HECW1: variants seen among roughly 807,000 people sequenced by gnomAD.
HECW1 encodes the protein HECT, C2 and WW domain containing E3 ubiquitin protein ligase 1.
Under a neutral mutation model 182.3 loss-of-function variants are expected in HECW1, and 61 were observed. The observed-to-expected ratio is 0.33, with a 90% CI of 0.27 to 0.41. The LOEUF is 0.41. HECW1 is among the 10% of genes least tolerant of loss of function. The pLI is 1.00. For missense variants in HECW1, 1,739 were observed against 2,108.9 expected (o/e 0.82, Z 3.44); for synonymous variants, 859 against 832.6 (o/e 1.03, Z -0.55).
intron 6 of HECW1, among the ~76,000 whole-genome samples, chr7:43,361,349 T>C (rs776754161): frequency 3.3e-5 from 5 of 152,236 alleles, no homozygotes; most frequent in Non-Finnish European, 7.3e-5. Context: ...AATATTTATA[T>C]TTTCTTATGT....
intron 6 of HECW1, among the ~76,000 whole-genome samples, chr7:43,390,791 G>A (rs577264594): frequency 6.6e-5 from 10 of 152,244 alleles, no homozygotes; most frequent in African/African-American, 1.7e-4. Context: ...CGTTACAACT[G>A]TCCCAGCACT....
intron 3 of HECW1, among the ~76,000 whole-genome samples, chr7:43,300,474 A>G (rs1237468457): frequency 6.6e-6 from 1 of 152,204 alleles, no homozygotes; most frequent in Non-Finnish European, 1.5e-5. Context: ...GAAGAGGGAT[A>G]GAAGAGGGTG....
intron 2 of HECW1, among the ~76,000 whole-genome samples, chr7:43,157,856 C>T (rs893403595): frequency 6.6e-6 from 1 of 152,204 alleles, no homozygotes; most frequent in Admixed American, 6.5e-5. Context: ...CCACCGTGCC[C>T]AGCCAATACA....
At chr7:43,314,119 C>A (rs1808889413) in intron 4 of HECW1, among the ~76,000 whole-genome samples, 1 of 152,152 alleles carries the variant, frequency 6.6e-6, no homozygotes, top group Non-Finnish European at 1.5e-5. Context: ...CAGCCCAGAT[C>A]TAGTTTTGAG....
Position 43,445,438 on chromosome 7 carries a change from C to G in HECW1, c.2266C>G (p.Pro756Ala), listed in dbSNP as rs752079168. 17 of 1,613,280 alleles carry G rather than the reference C, an allele frequency of 1.1e-5. No individual in the cohort carries two copies. The East Asian group carries it at 3.8e-4, about 36-fold the overall frequency. Reference protein sequence around the residue: ...FESVPDSMQSPELDPESTNGA... With the variant: ...FESVPDSMQSAELDPESTNGA... ...GTCGGTACCCGACTCCATGCAGAGC[C>G]CTGAGCTGGACCCGGAGTCCACGAA... Residue 756 changes from proline to alanine, a missense_variant, in exon 11 of 30, where the codon CCT becomes GCT. Pro to Ala is a conservative substitution (Grantham distance 27). Around this residue, in one of 5 missense-constraint regions of HECW1, gnomAD observed 971 missense variants for 1,029.1 expected, o/e 0.94. Coordinates refer to ENST00000395891, the MANE Select transcript of HECW1 (RefSeq NM_015052.5).
At chr7:43,457,899 G>A (rs759769043) in intron 13 of HECW1, among the ~76,000 whole-genome samples, 6 of 152,120 alleles carry the variant, frequency 3.9e-5, no homozygotes, top group Admixed American at 2.0e-4. Context: ...TTGCCTGAGC[G>A]TTTGGAAGAC....
rs113334195 is a variant in HECW1, at chr7:43,554,150, A to G, written c.4511-442A>G. Reference sequence around the variant, plus strand: ...GAAACTGGCTGTTCGCCTCCAGCCTAGACTGGTAAGTCCTAGACTCTCCCG... The same window carrying G: ...GAAACTGGCTGTTCGCCTCCAGCCTGGACTGGTAAGTCCTAGACTCTCCCG... On this transcript the variant is annotated intron_variant, in intron 28 of 29. Coordinates refer to ENST00000395891, the MANE Select transcript of HECW1 (RefSeq NM_015052.5). Among the ~76,000 whole-genome samples the G allele has an allele frequency of 5.0e-3, 760 of 152,356 alleles. 10 individuals carry two copies. The highest frequency in any genetic ancestry group is 0.017 in the African/African-American group (721 of 41,588).
At chr7:43,492,661 C>T (rs1353698141) in intron 18 of HECW1, among the ~76,000 whole-genome samples, 1 of 152,164 alleles carries the variant, frequency 6.6e-6, no homozygotes, top group Non-Finnish European at 1.5e-5. Context: ...ATGGTATTTC[C>T]ATTATCACTA....
At chr7:43,481,707 A>G (rs1027058795) in intron 17 of HECW1, among the ~76,000 whole-genome samples, 1 of 152,154 alleles carries the variant, frequency 6.6e-6, no homozygotes, top group African/African-American at 2.4e-5. Context: ...AGCTGGGGCC[A>G]GGTGTGATGG....
At chr7:43,303,083 C>G (rs1480297654) in intron 3 of HECW1, among the ~76,000 whole-genome samples, 1 of 152,174 alleles carries the variant, frequency 6.6e-6, no homozygotes, top group Non-Finnish European at 1.5e-5. Flanking sequence ...CCACCTTCCT[C>G]CCTCTCCCAC....
chr7:43,278,167 G>A (rs1341001291), intron 3 of HECW1, among the ~76,000 whole-genome samples: 1 of 152,036 alleles, frequency 6.6e-6, no homozygotes, highest in Admixed American at 6.6e-5. Flanking sequence ...CTTCAACTGG[G>A]ATGTCTTATA....
At chr7:43,394,751 C>T (rs1399319521) in intron 6 of HECW1, among the ~76,000 whole-genome samples, 4 of 151,992 alleles carry the variant, frequency 2.6e-5, no homozygotes, top group South Asian at 2.1e-4. Flanking sequence ...TAGACAGAGC[C>T]GATTCATCAA....
At chr7:43,321,298 A>C (rs776883901) in intron 5 of HECW1, among the ~76,000 whole-genome samples, 1 of 152,110 alleles carries the variant, frequency 6.6e-6, no homozygotes, top group Non-Finnish European at 1.5e-5. Context: ...TGAATGTATA[A>C]ACTTTCTATC....
chr7:43,116,020 G>A (rs1473050682), intron 2 of HECW1, among the ~76,000 whole-genome samples: 5 of 152,046 alleles, frequency 3.3e-5, no homozygotes, highest in African/African-American at 9.7e-5. Context: ...GTGGATTTCA[G>A]GTCATAAAAA....
intron 3 of HECW1, among the ~76,000 whole-genome samples, chr7:43,300,206 C>T (rs927232979): frequency 6.6e-6 from 1 of 152,204 alleles, no homozygotes; most frequent in Non-Finnish European, 1.5e-5. Flanking sequence ...GCCAGTTCTT[C>T]CTTATTTCCT....
intron 2 of HECW1, among the ~76,000 whole-genome samples, chr7:43,127,262 G>T (rs1786350752): frequency 6.6e-6 from 1 of 152,160 alleles, no homozygotes; most frequent in African/African-American, 2.4e-5. Flanking sequence ...GGTAGCTCAT[G>T]CCTGTAATCC....
At chr7:43,253,000 A>T (rs1448553430) in intron 3 of HECW1, among the ~76,000 whole-genome samples, 4 of 152,194 alleles carry the variant, frequency 2.6e-5, no homozygotes, top group Admixed American at 2.6e-4. Context: ...AACCTTGGAG[A>T]AGTTATTTAG....
chr7:43,167,818 AT>A (rs1791277348), intron 2 of HECW1, among the ~76,000 whole-genome samples: 2 of 152,172 alleles, frequency 1.3e-5, no homozygotes, highest in African/African-American at 4.8e-5. Context: ...AAACAGTACT[AT>A]TATGATCACT....
At chr7:43,544,825 T>G (rs752141695) in intron 26 of HECW1, among the ~76,000 whole-genome samples, 2 of 152,074 alleles carry the variant, frequency 1.3e-5, no homozygotes, top group Non-Finnish European at 2.9e-5. Flanking sequence ...CATATAATCA[T>G]GAGCAATAAA....
Sources: gnomAD v4.1 joint callset for allele counts (sites outside exome capture counted in the v4.1 genomes callset) on GRCh38, gnomAD v4.1.1 for gene constraint, gnomAD v4.1.1 regional missense constraint, MANE v1.5 for transcripts, NCBI Gene and HGNC (gene_info 2026-07-23, HGNC 2026-07-21) for gene names.